CRYZL1: variants seen among roughly 807,000 people sequenced by gnomAD.
CRYZL1 encodes the protein ferry endosomal RAB5 effector complex subunit 4.
CRYZL1 carries 34 observed loss-of-function variants against 50.6 expected under a neutral mutation model. The observed-to-expected ratio is 0.67, with a 90% confidence interval of 0.51 to 0.89. The LOEUF (loss-of-function observed/expected upper bound fraction) is 0.89. CRYZL1 is among the 40% of genes least tolerant of loss of function. The probability of loss-of-function intolerance (pLI) is 0.00; values close to 1 mark genes in which losing one functional copy is unlikely to be tolerated. For synonymous variants in CRYZL1, 125 were observed against 134.3 expected (o/e 0.93, Z 0.48); for missense variants, 354 against 402.3 (o/e 0.88, Z 1.03).
At chr21:33,615,211 G>A (rs965268072) in intron 5 of CRYZL1, among the ~76,000 whole-genome samples, 73 of 145,702 alleles carry the variant, frequency 5.0e-4, no homozygotes, top group African/African-American at 1.9e-3. Context: ...GGAGTACAGT[G>A]GTGTGATCAT....
At chr21:33,622,132 T>G (rs745753392) in intron 3 of CRYZL1, 64 bp from the exon 4 acceptor site, 23 of 1,285,264 alleles carry the variant, frequency 1.8e-5, no homozygotes, top group Non-Finnish European at 2.3e-5. Flanking sequence ...CCATTATATA[T>G]GAGGAAAGCG....
intron 6 of CRYZL1, among the ~76,000 whole-genome samples, chr21:33,605,530 C>CTTATTTTTTTTTTTTTTTTTTTTTTTT (rs2086802435): frequency 1.9e-5 from 1 of 53,196 alleles, no homozygotes; most frequent in Admixed American, 3.3e-4. Context: ...TACAAGAATT[C>CTTATTTTTTTTTTTTTTTTTTTTTTTT]TTTTTTTTTT....
chr21:33,591,119 TAG>T (rs2086639080), intron 12 of CRYZL1, 41 bp downstream of exon 12: 1 of 1,502,648 alleles, frequency 6.7e-7, no homozygotes, highest in African/African-American at 1.4e-5. Context: ...TCCCTGAAAA[TAG>T]AAAAACAAAC....
intron 6 of CRYZL1, among the ~76,000 whole-genome samples, chr21:33,611,633 G>A (rs961268601): frequency 7.2e-5 from 11 of 152,118 alleles, no homozygotes; most frequent in African/African-American, 2.4e-4. Context: ...TTAGGAAAAG[G>A]TTTAATTCAA....
At chr21:33,591,356 G>T in intron 11 of CRYZL1, 149 bp from the exon 12 acceptor site, 1 of 668,548 alleles carries the variant, frequency 1.5e-6, no homozygotes, top group Non-Finnish European at 2.7e-6. Flanking sequence ...AATTCTGTAG[G>T]ACGTCAAGTT....
In CRYZL1 at chr21:33,630,911, A is replaced by G. The variant is rs112967013; in HGVS notation, c.66+575T>C. ...CTAAGCACAGAATGACAAATATTAC[A>G]TGATCTCACTCAAATATGGAATCTA... is the stretch of plus-strand genomic sequence containing the variant. On this transcript the variant is annotated intron_variant, in intron 2 of 12. Transcript: ENST00000381554. Among the ~76,000 whole-genome samples the G allele has an allele frequency of 6.0e-3, 911 of 152,342 alleles. 14 individuals carry two copies. Among genetic ancestry groups the G allele is most frequent in the African/African-American group, 0.021 (862 of 41,580 alleles).
chr21:33,607,929 C>T (rs2086830092), intron 6 of CRYZL1, among the ~76,000 whole-genome samples: 1 of 151,568 alleles, frequency 6.6e-6, no homozygotes, highest in African/African-American at 2.4e-5. Context: ...TTTTTTTAAA[C>T]ATTGTAAATT....
intron 1 of CRYZL1, among the ~76,000 whole-genome samples, chr21:33,637,784 T>TAC (rs1320334533): frequency 4.1e-5 from 6 of 145,642 alleles, no homozygotes; most frequent in African/African-American, 1.5e-4. Flanking sequence ...TATATATATA[T>TAC]ATATACACAC....
intron 1 of CRYZL1, among the ~76,000 whole-genome samples, chr21:33,634,015 G>A (rs1252299584): frequency 6.6e-6 from 1 of 152,180 alleles, no homozygotes; most frequent in Non-Finnish European, 1.5e-5. Flanking sequence ...TTTCTCGGAC[G>A]TGATAATCAA....
intron 10 of CRYZL1, among the ~76,000 whole-genome samples, chr21:33,596,565 G>A (rs2086695081): frequency 6.6e-6 from 1 of 152,032 alleles, no homozygotes; most frequent in East Asian, 1.9e-4. Context: ...TTGAACCTGG[G>A]AGGCAGAGGT....
chr21:33,613,097 A>C (rs1444160166), intron 6 of CRYZL1, among the ~76,000 whole-genome samples: 3 of 152,176 alleles, frequency 2.0e-5, no homozygotes, highest in Non-Finnish European at 2.9e-5. Flanking sequence ...AAGTGCTGGG[A>C]TTACAGGTGT....
At chr21:33,597,205 A>G in intron 10 of CRYZL1, 75 bp downstream of exon 10, 1 of 1,460,090 alleles carries the variant, frequency 6.8e-7, no homozygotes, top group Non-Finnish European at 9.5e-7. Context: ...CCTTGCCTCA[A>G]ATAACTTAGG....
chr21:33,608,867 C>G (rs1056716357), intron 6 of CRYZL1, among the ~76,000 whole-genome samples: 1 of 152,134 alleles, frequency 6.6e-6, no homozygotes, highest in Non-Finnish European at 1.5e-5. Context: ...GGGAAAATAT[C>G]CAGAAGGAGG....
chr21:33,631,406 G>A lies in CRYZL1; in HGVS notation c.66+80C>T, dbSNP rs140859347. 2,117 of 1,033,068 alleles carry A rather than the reference G, an allele frequency of 2.0e-3. 43 individuals are homozygous for A. In the African/African-American group the frequency reaches 0.033, roughly 16 times the overall value. The allele number at this position is 1,033,068 out of a possible 1,614,324, so 64.0% of individuals were successfully genotyped here. A position where few individuals can be genotyped will look rare whatever the true frequency, so the allele number is the denominator to read the frequency against. On this transcript the variant is annotated intron_variant, in intron 2 of 12. Coordinates refer to ENST00000381554, the MANE Select transcript of CRYZL1 (RefSeq NM_145858.3). The stretch of plus-strand genomic sequence containing the variant: ...GTAATTTTGTTCATTAAGTCTCACT[G>A]AAAATAACGTCATTTAAAAGTGGGT...
At chr21:33,591,343 A>T in intron 11 of CRYZL1, 136 bp from the exon 12 acceptor site, 1 of 709,644 alleles carries the variant, frequency 1.4e-6, no homozygotes, top group Non-Finnish European at 2.5e-6. Flanking sequence ...GTTAAGTTAG[A>T]GAAATTCTGT....
chr21:33,597,804 CG>C (rs1205327640), intron 9 of CRYZL1, among the ~76,000 whole-genome samples: 7 of 152,004 alleles, frequency 4.6e-5, no homozygotes, highest in Non-Finnish European at 1.0e-4. Flanking sequence ...TTAGTAGAGA[CG>C]GGGTTTCATT....
At chr21:33,620,584 G>A (rs2086983525) in intron 4 of CRYZL1, among the ~76,000 whole-genome samples, 1 of 151,228 alleles carries the variant, frequency 6.6e-6, no homozygotes, top group Non-Finnish European at 1.5e-5. Flanking sequence ...GCCGATGTGG[G>A]CAGATCACTT....
chr21:33,621,977 C>T lies in CRYZL1; in HGVS notation c.217+19G>A, dbSNP rs745498862. 3.9e-6 allele frequency: 6 copies of T among 1,532,578 alleles called. No individual in the cohort carries two copies. The highest frequency in any genetic ancestry group is 2.3e-5 in the East Asian group (1 of 44,130). The allele number at this position is 1,532,578 out of a possible 1,614,324, so 94.9% of individuals were successfully genotyped here. ...TTACCTTAGAAAATAAATACATATA[C>T]TCACATCTGTATACTTACCATCTAA... On this transcript the variant is annotated intron_variant, in intron 4 of 12. Transcript: ENST00000381554.
intron 2 of CRYZL1, among the ~76,000 whole-genome samples, chr21:33,628,981 G>A (rs1437383714): frequency 3.3e-5 from 5 of 151,756 alleles, no homozygotes; most frequent in Non-Finnish European, 5.9e-5. Flanking sequence ...TATAATTCCA[G>A]CACTTTGGGA....
Sources: allele counts gnomAD v4.1 joint callset (sites outside exome capture counted in the v4.1 genomes callset), GRCh38; gene constraint gnomAD v4.1.1; transcripts MANE v1.5; gene names NCBI Gene and HGNC (gene_info 2026-07-23, HGNC 2026-07-21).